ZNF430: variants seen among roughly 807,000 people sequenced by gnomAD.
ZNF430 encodes zinc finger protein 430.
ZNF430 carries 35 observed loss-of-function variants against 56.7 expected under a neutral mutation model. The observed-to-expected ratio is 0.62, with a 90% confidence interval of 0.47 to 0.82. ZNF430 has a LOEUF of 0.82. ZNF430 is among the 40% of genes least tolerant of loss of function. ZNF430 has a pLI of 0.00. For missense variants in ZNF430, 574 were observed against 661.0 expected (o/e 0.87, Z 1.44); for synonymous variants, 212 against 224.3 (o/e 0.94, Z 0.49).
At chr19:21,035,590 T>C (rs1323907707) in intron 4 of ZNF430, 1 of 215,168 alleles carries the variant, frequency 4.6e-6, no homozygotes, top group Non-Finnish European at 9.9e-6. Flanking sequence ...ACAATGTAGT[T>C]TTGCATTAGT....
chr19:21,054,669 C>CTTTTTTTTTTTTTTTTTTTTTTTTTTT (rs55772412), intron 4 of ZNF430, among the ~76,000 whole-genome samples: 4 of 65,582 alleles, frequency 6.1e-5, no homozygotes, highest in African/African-American at 1.9e-4. Flanking sequence ...ATTTTTACGT[C>CTTTTTTTTTTTTTTTTTTTTTTTTTTT]TTTTTTTTTT....
At chr19:21,048,261 A>C (rs1968218057) in intron 4 of ZNF430, among the ~76,000 whole-genome samples, 1 of 122,824 alleles carries the variant, frequency 8.1e-6, no homozygotes, top group African/African-American at 3.0e-5. Context: ...ATAGGACAAT[A>C]GTGGAGGGAA....
chr19:21,022,047 T>G (rs568667102), intron 1 of ZNF430, among the ~76,000 whole-genome samples: 1 of 152,172 alleles, frequency 6.6e-6, no homozygotes, highest in East Asian at 1.9e-4. Context: ...CATGTTGGCC[T>G]GGCTGGCCTC....
At chr19:21,028,229 T>C (rs1276688906) in intron 2 of ZNF430, among the ~76,000 whole-genome samples, 2 of 152,208 alleles carry the variant, frequency 1.3e-5, no homozygotes, top group Non-Finnish European at 2.9e-5. Context: ...TTCTTTAAGC[T>C]TTTCAGATCT....
intron 4 of ZNF430, among the ~76,000 whole-genome samples, chr19:21,038,814 T>G (rs1806656575): frequency 2.0e-5 from 3 of 152,230 alleles, no homozygotes; most frequent in Admixed American, 2.0e-4. Flanking sequence ...ATTTAAAAAT[T>G]TTAAACAATA....
intron 4 of ZNF430, among the ~76,000 whole-genome samples, chr19:21,043,918 G>T (rs1324164365): frequency 6.6e-6 from 1 of 151,290 alleles, no homozygotes; most frequent in Non-Finnish European, 1.5e-5. Context: ...GTATTGAAAT[G>T]CTTGTAATTT....
At chr19:21,056,071 G>A (rs1208348002) in intron 4 of ZNF430, among the ~76,000 whole-genome samples, 1 of 152,156 alleles carries the variant, frequency 6.6e-6, no homozygotes, top group African/African-American at 2.4e-5. Context: ...TTTCTTCTGT[G>A]TCACTCTCTA....
Position 21,032,478 on chromosome 19 carries a change from A to G in ZNF430, c.97-978A>G, listed in dbSNP as rs369772529. ...TGTGGTGGCTCACACCTGTAATCCCAGCACTTTGGGAGGGCGAGGTGGGCG... is the reference window on the plus strand; with the variant it reads ...TGTGGTGGCTCACACCTGTAATCCCGGCACTTTGGGAGGGCGAGGTGGGCG... On this transcript the variant is annotated intron_variant, in intron 2 of 4. Coordinates refer to ENST00000261560, the MANE Select transcript of ZNF430 (RefSeq NM_025189.4). Among the ~76,000 whole-genome samples the G allele has an allele frequency of 2.4e-4, 36 of 152,340 alleles. No homozygotes were observed. In the South Asian group the frequency reaches 4.1e-3, roughly 18 times the overall value.
Position 21,057,829 on chromosome 19 carries a change from T to C in ZNF430, c.1521T>C (p.His507=). 1 of 1,613,966 alleles carries C rather than the reference T, an allele frequency of 6.2e-7. No individual in the cohort carries two copies. Among genetic ancestry groups the C allele is most frequent in the Non-Finnish European group, 8.5e-7 (1 of 1,179,964 alleles). ...FSNLTKHKIT[H]IGDTSYKYLE... is the part of the protein sequence containing the mutation. ...ACCTTACTAAACATAAGATAACTCA[T>C]ATTGGAGATACATCTTACAAATACC... The change falls in exon 5 of 5, where the codon CAT becomes CAC. Residue 507 remains histidine, a synonymous_variant. Coordinates refer to ENST00000261560, the MANE Select transcript of ZNF430 (RefSeq NM_025189.4).
Position 21,020,716 on chromosome 19 carries a change from T to C in ZNF430, c.-85T>C. On this transcript the variant is annotated 5_prime_UTR_variant, in exon 1 of 5. Coordinates refer to ENST00000261560, the MANE Select transcript of ZNF430 (RefSeq NM_025189.4). ...TTCAGCGCTCTGTGTCCTCTGCTCC[T>C]AGAGGTCCAGGCTCTGTGGCCCTGT... is the stretch of plus-strand genomic sequence containing the variant. 6.3e-7 allele frequency: 1 copy of C among 1,578,186 alleles called. No homozygotes were observed. The highest frequency in any genetic ancestry group is 8.7e-7 in the Non-Finnish European group (1 of 1,149,028).
intron 2 of ZNF430, among the ~76,000 whole-genome samples, chr19:21,030,205 A>G (rs1350982737): frequency 6.6e-6 from 1 of 152,226 alleles, no homozygotes; most frequent in African/African-American, 2.4e-5. Context: ...TGTATACACA[A>G]TAAAAATTTC....
chr19:21,048,530 G>A (rs1968224001), intron 4 of ZNF430, among the ~76,000 whole-genome samples: 1 of 152,032 alleles, frequency 6.6e-6, no homozygotes, highest in South Asian at 2.1e-4. Context: ...GCATCCCAAG[G>A]CAGAAGAATT....
chr19:21,025,193 C>T lies in ZNF430; in HGVS notation c.96+2312C>T, dbSNP rs1418174848. 2.0e-5 allele frequency among the ~76,000 whole-genome samples: 3 copies of T among 152,126 alleles called. No homozygotes were observed. In the East Asian group the frequency reaches 5.8e-4, roughly 29 times the overall value. On this transcript the variant is annotated intron_variant, in intron 2 of 4. Transcript: ENST00000261560. ...GAGCAGCCCTGAGGGCTGCTGGTTGCCCATTTTTATGGTTATTTCTTGATT... is the reference window on the plus strand; with the variant it reads ...GAGCAGCCCTGAGGGCTGCTGGTTGTCCATTTTTATGGTTATTTCTTGATT...
At chr19:21,031,724 GAGAA>G (rs1172328203) in intron 2 of ZNF430, among the ~76,000 whole-genome samples, 3 of 152,138 alleles carry the variant, frequency 2.0e-5, no homozygotes, top group Admixed American at 1.3e-4. Context: ...AGGATTTTCA[GAGAA>G]AGAAAGAGAA....
intron 2 of ZNF430, among the ~76,000 whole-genome samples, chr19:21,031,758 T>G (rs1967904515): frequency 6.6e-6 from 1 of 152,204 alleles, no homozygotes; most frequent in Non-Finnish European, 1.5e-5. Flanking sequence ...TTTTTTCAGC[T>G]AAACGTGTCT....
At chr19:21,021,093 CCACGGGAGGATCGT>C (rs1227614966) in intron 1 of ZNF430, among the ~76,000 whole-genome samples, 2 of 152,172 alleles carry the variant, frequency 1.3e-5, no homozygotes, top group Non-Finnish European at 2.9e-5. Context: ...TGTGCAGGGA[CCACGGGAGGATCGT>C]CACGGGAGAA....
At chr19:21,034,242 C>G (rs1967954428) in intron 4 of ZNF430, 58 bp downstream of exon 4, 1 of 1,183,848 alleles carries the variant, frequency 8.4e-7, no homozygotes, top group South Asian at 1.6e-5. Context: ...AAGAAGAAAG[C>G]CAATGCTTAA....
At position 21,022,732 on chromosome 19, in the gene ZNF430, G is replaced by T. The variant is rs191450659; in HGVS notation, c.4-57G>T. On this transcript the variant is annotated intron_variant, in intron 1 of 4. Transcript: ENST00000261560. ...GGGATAAACCAAGATATCCGCCATG[G>T]TTATGTCAGTTAGAGTGTCTAGTGG... 1.1e-4 allele frequency: 130 copies of T among 1,225,384 alleles called. No homozygotes were observed. In the East Asian group the frequency reaches 2.9e-3, roughly 28 times the overall value. The allele number at this position is 1,225,384 out of a possible 1,614,324, so 75.9% of individuals were successfully genotyped here.
At chr19:21,053,985 A>G (rs1410308810) in intron 4 of ZNF430, among the ~76,000 whole-genome samples, 2 of 152,106 alleles carry the variant, frequency 1.3e-5, no homozygotes, top group African/African-American at 4.8e-5. Flanking sequence ...ATACAACGAT[A>G]TATTTCAGTC....
Sources: gnomAD v4.1 joint callset for allele counts (sites outside exome capture counted in the v4.1 genomes callset) on GRCh38, gnomAD v4.1.1 for gene constraint, MANE v1.5 for transcripts, NCBI Gene and HGNC (gene_info 2026-07-23, HGNC 2026-07-21) for gene names.